The following RAB3C variants were observed in gnomAD, a reference collection of about 807,000 sequenced individuals.
RAB3C encodes ras-related protein Rab-3C.
RAB3C carries 17 observed loss-of-function variants against 26.4 expected under a neutral mutation model. That is an observed-to-expected ratio of 0.64 (90% CI 0.44 to 0.97). The LOEUF is 0.97. Ranked by LOEUF, RAB3C falls within the 50% of genes least tolerant of loss-of-function variation. The pLI, the probability that RAB3C is intolerant of heterozygous loss-of-function variation, is 0.00. For missense variants in RAB3C, 242 were observed against 281.9 expected, an observed-to-expected ratio of 0.86 and a Z score of 1.01; for synonymous variants, 91 against 95.9, an observed-to-expected ratio of 0.95 and a Z score of 0.30.
At chr5:58,675,738 G>A (rs1315486854) in intron 2 of RAB3C, among the ~76,000 whole-genome samples, 1 of 151,812 alleles carries the variant, frequency 6.6e-6, no homozygotes, top group Non-Finnish European at 1.5e-5. Context: ...TCATGGAAGG[G>A]TTAAGATTTC....
chr5:58,731,776 G>A (rs1244498574), intron 3 of RAB3C, among the ~76,000 whole-genome samples: 1 of 152,188 alleles, frequency 6.6e-6, no homozygotes, highest in African/African-American at 2.4e-5. Context: ...TTGGTCCAAT[G>A]TTCACTTCTG....
chr5:58,687,136 A>G (rs1225747613), intron 2 of RAB3C, among the ~76,000 whole-genome samples: 1 of 152,082 alleles, frequency 6.6e-6, no homozygotes, highest in Non-Finnish European at 1.5e-5. Context: ...GAGCAGGATC[A>G]TTTTATCCAT....
intron 2 of RAB3C, among the ~76,000 whole-genome samples, chr5:58,693,734 C>G (rs1226866066): frequency 6.6e-6 from 1 of 152,048 alleles, no homozygotes. Context: ...CTCTGTAAAC[C>G]CACTGCCTAA....
intron 3 of RAB3C, among the ~76,000 whole-genome samples, chr5:58,737,178 G>A (rs1741156551): frequency 6.6e-6 from 1 of 151,664 alleles, no homozygotes; most frequent in South Asian, 2.1e-4. Flanking sequence ...CTGTACCTAA[G>A]AACATTTGCA....
intron 2 of RAB3C, among the ~76,000 whole-genome samples, chr5:58,618,949 T>G (rs1746878910): frequency 6.6e-6 from 1 of 152,068 alleles, no homozygotes; most frequent in South Asian, 2.1e-4. Flanking sequence ...TATGGAAAGC[T>G]AAAAACAAAA....
chr5:58,808,392 T>C (rs1413384306), intron 3 of RAB3C, among the ~76,000 whole-genome samples: 3 of 152,118 alleles, frequency 2.0e-5, no homozygotes, highest in Non-Finnish European at 2.9e-5. Context: ...GAAAAGGTAC[T>C]GCTCAGAGAT....
In RAB3C at chr5:58,705,011, A is replaced by G. The variant is rs1476475680; in HGVS notation, c.253-20991A>G. Among the ~76,000 whole-genome samples the G allele has an allele frequency of 2.6e-5, 4 of 152,188 alleles. No individual in the cohort carries two copies. In the East Asian group the frequency reaches 7.7e-4, roughly 29 times the overall value. On this transcript the variant is annotated intron_variant, in intron 2 of 4. Coordinates refer to ENST00000282878, the MANE Select transcript of RAB3C (RefSeq NM_138453.4). Reference sequence around the variant, plus strand: ...TCAAAGTGAGTGATAATGCAATGTTATATTCAGAGACAATTTCACTGAAGC... The same window carrying G: ...TCAAAGTGAGTGATAATGCAATGTTGTATTCAGAGACAATTTCACTGAAGC...
intron 3 of RAB3C, among the ~76,000 whole-genome samples, chr5:58,816,788 G>A (rs79091783): frequency 0.048 from 7,301 of 152,172 alleles, 502 homozygotes; most frequent in African/African-American, 0.15. Flanking sequence ...GAAGGAAGAC[G>A]GAGGGTAGCA....
intron 3 of RAB3C, among the ~76,000 whole-genome samples, chr5:58,821,435 T>C (rs1743339887): frequency 6.6e-6 from 1 of 152,212 alleles, no homozygotes; most frequent in Non-Finnish European, 1.5e-5. Flanking sequence ...ATATTAGCAT[T>C]TGTTACTTAA....
chr5:58,748,752 C>A (rs141702564), intron 3 of RAB3C, among the ~76,000 whole-genome samples: 2 of 152,262 alleles, frequency 1.3e-5, no homozygotes, highest in East Asian at 1.9e-4. Flanking sequence ...AACTGTCCAT[C>A]AAGTTTATGC....
chr5:58,848,461 A>G (rs983489320), intron 4 of RAB3C: 1 of 152,218 alleles, frequency 6.6e-6, no homozygotes, highest in African/African-American at 2.4e-5. Context: ...ACAAGTTAGT[A>G]GTTCATGTTC....
intron 4 of RAB3C, among the ~76,000 whole-genome samples, chr5:58,842,985 G>A (rs76598703): frequency 0.019 from 2,943 of 152,270 alleles, 49 homozygotes; most frequent in Non-Finnish European, 0.028. Flanking sequence ...CATTAGGGAT[G>A]TACAAAGGTT....
chr5:58,775,391 A>C (rs757038811), intron 3 of RAB3C, among the ~76,000 whole-genome samples: 3 of 152,114 alleles, frequency 2.0e-5, no homozygotes, highest in Admixed American at 6.6e-5. Context: ...ACACCACGTA[A>C]GAAGATCCCA....
At chr5:58,673,301 G>A (rs527888155) in intron 2 of RAB3C, among the ~76,000 whole-genome samples, 7 of 152,146 alleles carry the variant, frequency 4.6e-5, no homozygotes, top group African/African-American at 1.7e-4. Context: ...TTCACTTTAA[G>A]GTATTAAAAA....
chr5:58,851,017 T>A, intron 4 of RAB3C, 147 bp from the exon 5 acceptor site: 1 of 623,610 alleles, frequency 1.6e-6, no homozygotes, highest in Non-Finnish European at 2.7e-6. Context: ...TGGTACCTCA[T>A]GCCCACCTCT....
At chr5:58,851,090 AAAGCCATAATC>A (rs1303980880) in intron 4 of RAB3C, 63 bp from the exon 5 acceptor site, 1 of 1,421,474 alleles carries the variant, frequency 7.0e-7, no homozygotes, top group Non-Finnish European at 9.6e-7. Context: ...ATCACTATTG[AAAGCCATAATC>A]AAGTCCCATT....
chr5:58,694,640 A>G (rs1338000786), intron 2 of RAB3C, among the ~76,000 whole-genome samples: 1 of 152,166 alleles, frequency 6.6e-6, no homozygotes, highest in Non-Finnish European at 1.5e-5. Flanking sequence ...CTGGCGTGAG[A>G]TGCTATCTCA....
At chr5:58,825,878 C>T (rs1743465152) in intron 4 of RAB3C, among the ~76,000 whole-genome samples, 2 of 152,088 alleles carry the variant, frequency 1.3e-5, no homozygotes, top group South Asian at 4.1e-4. Flanking sequence ...ACTGGGTACT[C>T]GTTGTATGCT....
intron 2 of RAB3C, among the ~76,000 whole-genome samples, chr5:58,630,361 T>C (rs1747162855): frequency 6.6e-6 from 1 of 152,224 alleles, no homozygotes; most frequent in South Asian, 2.1e-4. Context: ...CTTGTTTTTA[T>C]GTGGGTTATA....
Sources: gnomAD v4.1 joint callset for allele counts (sites outside exome capture counted in the v4.1 genomes callset) on GRCh38, gnomAD v4.1.1 for gene constraint, MANE v1.5 for transcripts, NCBI Gene and HGNC (gene_info 2026-07-23, HGNC 2026-07-21) for gene names.